Variants in RBFOX1 observed in about 807,000 individuals in gnomAD.
The protein encoded by RBFOX1 is RNA binding fox-1 homolog 1, also known as RNA binding protein fox-1 homolog 1.
Under a neutral mutation model 57.7 loss-of-function variants are expected in RBFOX1, and 8 were observed. The observed-to-expected ratio is 0.14, with a 90% CI of 0.08 to 0.25. The LOEUF (loss-of-function observed/expected upper bound fraction) is 0.25. Among genes scored for constraint, RBFOX1 ranks in the 10% least tolerant of loss-of-function variants. The pLI, the probability that RBFOX1 is intolerant of heterozygous loss-of-function variation, is 1.00. For missense variants in RBFOX1, 611 were observed against 548.5 expected, an observed-to-expected ratio of 1.11 and a Z score of -1.14; for synonymous variants, 326 against 222.4, an observed-to-expected ratio of 1.47 and a Z score of -4.15.
At chr16:6,780,500 T>TTA (rs1227520352) in intron 3 of RBFOX1, among the ~76,000 whole-genome samples, 3 of 110,876 alleles carry the variant, frequency 2.7e-5, no homozygotes, top group African/African-American at 7.8e-5. Context: ...ATATACATTT[T>TTA]TATATATTTA....
At chr16:5,747,346 T>G (rs2053026835) in intron 3 of RBFOX1, among the ~76,000 whole-genome samples, 1 of 152,208 alleles carries the variant, frequency 6.6e-6, no homozygotes, top group Non-Finnish European at 1.5e-5. Flanking sequence ...TGAAATTCTC[T>G]GTTTTTGTTG....
At chr16:6,637,742 C>T (rs1197004591) in intron 2 of RBFOX1, among the ~76,000 whole-genome samples, 2 of 151,560 alleles carry the variant, frequency 1.3e-5, no homozygotes, top group East Asian at 1.9e-4. Flanking sequence ...TATTGTAATA[C>T]ATCTACATCT....
chr16:5,630,786 G>C (rs2048483501), intron 3 of RBFOX1, among the ~76,000 whole-genome samples: 2 of 151,996 alleles, frequency 1.3e-5, no homozygotes, highest in African/African-American at 4.8e-5. Context: ...TTCAATTGTT[G>C]GAAAAAAGGC....
At chr16:5,614,243 A>C (rs1449410151) in intron 3 of RBFOX1, among the ~76,000 whole-genome samples, 1 of 152,058 alleles carries the variant, frequency 6.6e-6, no homozygotes, top group Non-Finnish European at 1.5e-5. Flanking sequence ...ACATTTTTAA[A>C]CTAGAAGAAA....
Position 5,787,221 on chromosome 16 carries a change from G to T in RBFOX1, c.319-80082G>T, listed in dbSNP as rs184670086. Among the ~76,000 whole-genome samples, 11 of 152,256 alleles carry T rather than the reference G, an allele frequency of 7.2e-5. No homozygotes were observed. The East Asian group carries it at 1.7e-3, about 24-fold the overall frequency. On this transcript the variant is annotated intron_variant, in intron 3 of 19. Transcript: ENST00000641259. ...TGACTCCACAGGGCCCTTTCACTGG[G>T]AGAAAAGGGAACAGGTGAGCACACC...
intron 1 of RBFOX1, among the ~76,000 whole-genome samples, chr16:6,123,321 A>G (rs562816156): frequency 2.4e-4 from 36 of 152,380 alleles, no homozygotes; most frequent in Non-Finnish European, 2.8e-4. Context: ...TCATTTGTCC[A>G]TTATAACATA....
chr16:5,518,409 G>T (rs964251830), intron 2 of RBFOX1, among the ~76,000 whole-genome samples: 1 of 152,090 alleles, frequency 6.6e-6, no homozygotes, highest in African/African-American at 2.4e-5. Flanking sequence ...GATCCCCTCT[G>T]CTTTTTCCCA....
At chr16:6,690,084 G>T (rs8049542) in intron 3 of RBFOX1, among the ~76,000 whole-genome samples, 85 of 152,106 alleles carry the variant, frequency 5.6e-4, no homozygotes, top group African/African-American at 2.0e-3. Context: ...TTTTTTTCCT[G>T]TTGGGAATTA....
chr16:6,780,152 T>C (rs2080478253), intron 3 of RBFOX1, among the ~76,000 whole-genome samples: 1 of 41,764 alleles, frequency 2.4e-5, no homozygotes, highest in Non-Finnish European at 3.4e-5. Context: ...TATATATTTA[T>C]ATATATATTT....
At chr16:6,988,990 T>G (rs1164926195) in intron 3 of RBFOX1, among the ~76,000 whole-genome samples, 1 of 152,066 alleles carries the variant, frequency 6.6e-6, no homozygotes, top group Non-Finnish European at 1.5e-5. Context: ...CTTGAACTCC[T>G]GGCCTGAGGT....
chr16:6,825,257 A>T (rs567986421), intron 3 of RBFOX1, among the ~76,000 whole-genome samples: 2 of 150,492 alleles, frequency 1.3e-5, no homozygotes, highest in African/African-American at 4.9e-5. Context: ...CTAGATACCA[A>T]TGCCACACCC....
At chr16:5,978,616 A>T (rs2060113354) in intron 4 of RBFOX1, among the ~76,000 whole-genome samples, 1 of 151,686 alleles carries the variant, frequency 6.6e-6, no homozygotes, top group South Asian at 2.1e-4. Context: ...CCTTTTCACT[A>T]ATCTCCTCTG....
chr16:5,593,005 G>A (rs1231172406), intron 2 of RBFOX1, among the ~76,000 whole-genome samples: 1 of 152,142 alleles, frequency 6.6e-6, no homozygotes, highest in Non-Finnish European at 1.5e-5. Flanking sequence ...GGCATTCTAA[G>A]TCACAGTGTG....
chr16:6,998,090 A>G (rs2092423167), intron 3 of RBFOX1, among the ~76,000 whole-genome samples: 1 of 152,144 alleles, frequency 6.6e-6, no homozygotes, highest in Admixed American at 6.5e-5. Context: ...AAATATATGT[A>G]CATTATATTT....
In RBFOX1 at chr16:5,814,118, A is replaced by G. The variant is rs77928513; in HGVS notation, c.319-53185A>G. Among the ~76,000 whole-genome samples, 1,184 of 152,250 alleles carry G rather than the reference A, an allele frequency of 7.8e-3. 21 individuals carry two copies. The highest frequency in any genetic ancestry group is 0.027 in the African/African-American group (1,125 of 41,556). On this transcript the variant is annotated intron_variant, in intron 3 of 19. Transcript: ENST00000641259. Reference sequence around the variant, plus strand: ...ACTAACCTGTAATTACTCTTACAAGATGGTACCTTCCCCTCTCCAAAATCC... The same window carrying G: ...ACTAACCTGTAATTACTCTTACAAGGTGGTACCTTCCCCTCTCCAAAATCC...
At chr16:7,500,093 G>T (rs1162351652) in intron 4 of RBFOX1, among the ~76,000 whole-genome samples, 1 of 152,126 alleles carries the variant, frequency 6.6e-6, no homozygotes, top group Non-Finnish European at 1.5e-5. Flanking sequence ...CAATCAGGCA[G>T]ACGTCCTTAA....
At chr16:5,369,735 C>A (rs187228053) in intron 1 of RBFOX1, among the ~76,000 whole-genome samples, 1 of 152,272 alleles carries the variant, frequency 6.6e-6, no homozygotes, top group East Asian at 1.9e-4. Flanking sequence ...GTGGTTGAAG[C>A]CACCCTTTCC....
At chr16:5,696,712 G>C (rs28736273) in intron 3 of RBFOX1, among the ~76,000 whole-genome samples, 1 of 152,080 alleles carries the variant, frequency 6.6e-6, no homozygotes, top group Non-Finnish European at 1.5e-5. Flanking sequence ...CTTGAGGAGA[G>C]TTTACATTCT....
At chr16:7,685,086 C>G (rs1001471919) in intron 14 of RBFOX1, among the ~76,000 whole-genome samples, 5 of 152,028 alleles carry the variant, frequency 3.3e-5, no homozygotes, top group African/African-American at 1.2e-4. Context: ...TGTAGAATCC[C>G]AAACCCCAGT....
Sources: gnomAD v4.1 joint callset for allele counts (sites outside exome capture counted in the v4.1 genomes callset) on GRCh38, gnomAD v4.1.1 for gene constraint, MANE v1.5 for transcripts, NCBI Gene and HGNC (gene_info 2026-07-23, HGNC 2026-07-21) for gene names.